SCARA5: variants seen among roughly 807,000 people sequenced by gnomAD.
SCARA5 encodes scavenger receptor class A member 5.
SCARA5 carries 45 observed loss-of-function variants against 46.3 expected under a neutral mutation model. The observed-to-expected ratio is 0.97, with a 90% CI of 0.76 to 1.24. The LOEUF is 1.24. Among genes scored for constraint, SCARA5 ranks in the 50% most tolerant of loss-of-function variants. The pLI, the probability that SCARA5 is intolerant of heterozygous loss-of-function variation, is 0.00. For missense variants in SCARA5, 680 were observed against 689.0 expected, an observed-to-expected ratio of 0.99 and a Z score of 0.15; for synonymous variants, 333 against 306.5, an observed-to-expected ratio of 1.09 and a Z score of -0.90.
chr8:27,896,470 T>C (rs1192534080), intron 7 of SCARA5, among the ~76,000 whole-genome samples: 1 of 152,100 alleles, frequency 6.6e-6, no homozygotes, highest in East Asian at 1.9e-4. Context: ...TCTCTAACTC[T>C]AGGACCTTGG....
At chr8:27,895,891 G>A (rs1264782643) in intron 7 of SCARA5, among the ~76,000 whole-genome samples, 1 of 152,136 alleles carries the variant, frequency 6.6e-6, no homozygotes, top group African/African-American at 2.4e-5. Flanking sequence ...TGCTATTCCT[G>A]GCTACCCGGT....
chr8:27,919,699 C>G (rs1376659362), intron 4 of SCARA5, among the ~76,000 whole-genome samples: 2 of 151,784 alleles, frequency 1.3e-5, no homozygotes, highest in Non-Finnish European at 2.9e-5. Flanking sequence ...AGCACACTAG[C>G]TCTGGGATCA....
chr8:27,959,237 A>AGAAAAAGAAAAAATAGT (rs1808256637), intron 3 of SCARA5, among the ~76,000 whole-genome samples: 1 of 152,164 alleles, frequency 6.6e-6, no homozygotes, highest in East Asian at 1.9e-4. Context: ...TGTCTCAAAA[A>AGAAAAAGAAAAAATAGT]GAAAAAGAAA....
chr8:27,892,767 G>A (rs369014814), intron 7 of SCARA5, among the ~76,000 whole-genome samples: 50 of 152,134 alleles, frequency 3.3e-4, no homozygotes, highest in African/African-American at 1.2e-3. Flanking sequence ...CACCACGACC[G>A]GCTAATTTTT....
chr8:27,922,178 CT>C lies in SCARA5; in HGVS notation c.308del (p.Glu103GlyfsTer19). On this transcript the variant is annotated frameshift_variant, in exon 4 of 9. Coordinates refer to ENST00000354914, the MANE Select transcript of SCARA5 (RefSeq NM_173833.6). LOFTEE classifies it high-confidence loss of function. ...ALTRNVNRLN[E>X]SFRDLQLRLL... ...GCCGCAGCTGCAAGTCCCGGAAGCT[CT>C]CATTCAGCCGGTTCACATTGCGAGT... 1 of 1,605,912 alleles carries C rather than the reference CT, an allele frequency of 6.2e-7. No homozygotes were observed. Among genetic ancestry groups the C allele is most frequent in the Non-Finnish European group, 8.5e-7 (1 of 1,177,114 alleles).
In SCARA5 at chr8:27,966,418, T is replaced by C; in HGVS notation, c.237A>G (p.Leu79=). ...ACAAAAATGGCCTGCTCTTACCTGC[T>C]AAGATGAAGATGCCCACAAGAATCA... ...VFLILVGIFI[L]AVSRPRSSPD... The change falls in exon 3 of 9, where the codon TTA becomes TTG. Residue 79 remains leucine, a synonymous_variant. Coordinates refer to ENST00000354914, the MANE Select transcript of SCARA5 (RefSeq NM_173833.6). 1 of 1,608,798 alleles carries C rather than the reference T, an allele frequency of 6.2e-7. No individual in the cohort carries two copies. Among genetic ancestry groups the C allele is most frequent in the Admixed American group, 1.7e-5 (1 of 58,562 alleles).
At chr8:27,879,851 TG>T (rs1212116423) in intron 7 of SCARA5, 85 bp from the exon 8 acceptor site, 2 of 1,311,840 alleles carry the variant, frequency 1.5e-6, no homozygotes, top group African/African-American at 1.5e-5. Flanking sequence ...CGCCTACCCC[TG>T]GGTAGGAGGA....
At chr8:27,936,637 T>G (rs1360876506) in intron 3 of SCARA5, among the ~76,000 whole-genome samples, 2 of 119,300 alleles carry the variant, frequency 1.7e-5, no homozygotes, top group Non-Finnish European at 3.4e-5. Context: ...CCCACTGGAA[T>G]GGTGGATTGG....
At chr8:27,936,611 A>AAAAAAAAAAAAAAAAAT (rs1807862022) in intron 3 of SCARA5, among the ~76,000 whole-genome samples, 2 of 147,782 alleles carry the variant, frequency 1.4e-5, no homozygotes, top group African/African-American at 2.5e-5. Context: ...AAAAAAAAAA[A>AAAAAAAAAAAAAAAAAT]GGTGGGGATG....
At chr8:27,882,119 TG>T (rs766611873) in intron 7 of SCARA5, among the ~76,000 whole-genome samples, 9 of 152,204 alleles carry the variant, frequency 5.9e-5, no homozygotes, top group Non-Finnish European at 1.2e-4. Flanking sequence ...ATGTCATAGT[TG>T]GAATCATACA....
chr8:27,970,858 G>GA (rs2129949460), intron 2 of SCARA5, among the ~76,000 whole-genome samples: 2 of 152,030 alleles, frequency 1.3e-5, no homozygotes, highest in East Asian at 3.9e-4. Flanking sequence ...AAATTTATCT[G>GA]AAAAAATTAA....
Position 27,951,273 on chromosome 8 carries a change from G to C in SCARA5, c.241+15141C>G, listed in dbSNP as rs146959072. Among the ~76,000 whole-genome samples the C allele has an allele frequency of 2.6e-5, 4 of 152,328 alleles. No individual in the cohort carries two copies. The East Asian group carries it at 7.7e-4, about 29-fold the overall frequency. On this transcript the variant is annotated intron_variant, in intron 3 of 8. Coordinates refer to ENST00000354914, the MANE Select transcript of SCARA5 (RefSeq NM_173833.6). ...AAAACCGGTATCAATGCCTGAGCAG[G>C]ACAAGAGCTGTGCTGAGTGGAGCAG...
chr8:27,906,543 C>T (rs1258852088), intron 6 of SCARA5, among the ~76,000 whole-genome samples: 1 of 152,230 alleles, frequency 6.6e-6, no homozygotes, highest in South Asian at 2.1e-4. Flanking sequence ...GCCCTGCAGG[C>T]CCCTTGTTGG....
Position 27,922,188 on chromosome 8 carries a change from C to A in SCARA5, c.299G>T (p.Arg100Leu). ...DLKALTRNVN[R>L]LNESFRDLQL... ...CAAGTCCCGGAAGCTCTCATTCAGC[C>A]GGTTCACATTGCGAGTCAGGGCCTT... Residue 100 changes from arginine to leucine, a missense_variant, in exon 4 of 9, where the codon CGG becomes CTG. Physicochemically the swap from Arg to Leu is moderately radical, Grantham distance 102. Around this residue, in one of 3 missense-constraint regions of SCARA5, gnomAD observed 438 missense variants for 384.5 expected, o/e 1.14. Transcript: ENST00000354914. 1 of 1,602,804 alleles carries A rather than the reference C, an allele frequency of 6.2e-7. No homozygotes were observed.
chr8:27,934,111 T>C (rs1460530140), intron 3 of SCARA5, among the ~76,000 whole-genome samples: 1 of 152,190 alleles, frequency 6.6e-6, no homozygotes, highest in Non-Finnish European at 1.5e-5. Context: ...TGTCCCCATA[T>C]GGAACCAAAT....
chr8:27,896,812 G>T (rs926916095), intron 7 of SCARA5, among the ~76,000 whole-genome samples: 3 of 152,204 alleles, frequency 2.0e-5, no homozygotes, highest in South Asian at 2.1e-4. Flanking sequence ...AAGAGGCTGA[G>T]GCTGGGCGCA....
At chr8:27,964,714 G>A (rs888112625) in intron 3 of SCARA5, among the ~76,000 whole-genome samples, 4 of 151,872 alleles carry the variant, frequency 2.6e-5, no homozygotes, top group Non-Finnish European at 4.4e-5. Context: ...GAAGAGAACC[G>A]TCACTCCACT....
chr8:27,945,480 C>T (rs1182388263), intron 3 of SCARA5, among the ~76,000 whole-genome samples: 15 of 152,218 alleles, frequency 9.9e-5, no homozygotes, highest in Admixed American at 9.8e-4. Context: ...TCTGATTCCG[C>T]ATTCCTTTAA....
chr8:27,991,326 C>T (rs888824492), intron 1 of SCARA5, among the ~76,000 whole-genome samples: 5 of 152,320 alleles, frequency 3.3e-5, no homozygotes, highest in Middle Eastern at 3.4e-3. Context: ...GAAAAAGCAT[C>T]CCCCAGCATC....
Sources: gnomAD v4.1 joint callset for allele counts (sites outside exome capture counted in the v4.1 genomes callset) on GRCh38, gnomAD v4.1.1 for gene constraint, gnomAD v4.1.1 regional missense constraint, MANE v1.5 for transcripts, NCBI Gene and HGNC (gene_info 2026-07-23, HGNC 2026-07-21) for gene names.